OR8K3: variants seen among roughly 807,000 people sequenced by gnomAD.
The protein encoded by OR8K3 is olfactory receptor 8K3.
For missense variants in OR8K3, 448 were observed against 367.4 expected, an observed-to-expected ratio of 1.22 and a Z score of -1.79; for synonymous variants, 167 against 138.8, an observed-to-expected ratio of 1.20 and a Z score of -1.43.
At position 56,316,009 on chromosome 11, in the gene OR8K3, G is replaced by A. The variant is rs957017429; in HGVS notation, c.-72G>A. The stretch of plus-strand genomic sequence containing the variant: ...CTGGTTCTTTCCACAGAACTCCAAA[G>A]ATGGTGAAAGGAACCTCATTTATAT... On this transcript the variant is annotated 5_prime_UTR_variant, in exon 2 of 3. Coordinates refer to ENST00000641662, the MANE Select transcript of OR8K3 (RefSeq NM_001005202.2). 6.6e-6 allele frequency: 1 copy of A among 151,966 alleles called. No homozygotes were observed. Among genetic ancestry groups the A allele is most frequent in the African/African-American group, 2.4e-5 (1 of 41,410 alleles). 9.4% of individuals were successfully genotyped at this position (151,966 alleles called of 1,614,324 possible).
rs753989259 is a variant in OR8K3, at chr11:56,319,139, C to T, written c.833C>T (p.Thr278Ile). Residue 278 changes from threonine to isoleucine, a missense_variant, in exon 3 of 3, where the codon ACC becomes ATC. Transcript: ENST00000641662. ...GATAAAGTGGCTTCCATATTTTACACCCTGGTTATCCCCATGTTGAATCCC... is the reference window on the plus strand; with the variant it reads ...GATAAAGTGGCTTCCATATTTTACATCCTGGTTATCCCCATGTTGAATCCC... The part of the protein sequence containing the change: ...DTDKVASIFY[T>I]LVIPMLNPLI... 1.2e-6 allele frequency: 2 copies of T among 1,613,242 alleles called. No individual in the cohort carries two copies. Among genetic ancestry groups the T allele is most frequent in the Non-Finnish European group, 8.5e-7 (1 of 1,179,212 alleles).
intron 1 of OR8K3, 114 bp downstream of exon 1, chr11:56,315,281 A>C (rs547479069): frequency 4.7e-4 from 71 of 152,294 alleles, no homozygotes; most frequent in African/African-American, 1.7e-3. Context: ...AACCATAGTA[A>C]AGTGTGACAA....
chr11:56,318,402 C>A lies in OR8K3; in HGVS notation c.96C>A (p.Leu32=), dbSNP rs747976691. The change falls in exon 3 of 3, where the codon CTC becomes CTA. Residue 32 remains leucine, a synonymous_variant. Coordinates refer to ENST00000641662, the MANE Select transcript of OR8K3 (RefSeq NM_001005202.2). Reference sequence around the variant, plus strand: ...AGGCACCATTATTTGCATTGTTCCTCATGATCTATGTGATCTCAGTGATGG... The same window carrying A: ...AGGCACCATTATTTGCATTGTTCCTAATGATCTATGTGATCTCAGTGATGG... The part of the protein sequence containing the change: ...ELQAPLFALF[L]MIYVISVMGN... The A allele has an allele frequency of 6.2e-7, 1 of 1,613,668 alleles. No homozygotes were observed. Among genetic ancestry groups the A allele is most frequent in the South Asian group, 1.1e-5 (1 of 91,064 alleles).
At position 56,320,500 on chromosome 11, in the gene OR8K3, A is replaced by T. The variant is rs2134871788; in HGVS notation, c.*1255A>T. 6.6e-6 allele frequency: 1 copy of T among 152,356 alleles called. No individual in the cohort carries two copies. The highest frequency in any genetic ancestry group is 2.4e-5 in the African/African-American group (1 of 41,580). 9.4% of individuals were successfully genotyped at this position (152,356 alleles called of 1,614,324 possible). A position where few individuals can be genotyped will look rare whatever the true frequency, so the allele number is the denominator to read the frequency against. On this transcript the variant is annotated 3_prime_UTR_variant, in exon 3 of 3. Transcript: ENST00000641662. ...TTAATAATCCTAAGAATTTATTGAA[A>T]GTATCAGAGTCTACAATATTTTCTT...
In OR8K3 at chr11:56,318,696, G is replaced by C; in HGVS notation, c.390G>C (p.Leu130=). The change falls in exon 3 of 3, where the codon CTG becomes CTC. Residue 130 remains leucine, a synonymous_variant. Transcript: ENST00000641662. ...YDLYVAICNP[L]LYTVIMSRRV... is the part of the protein sequence containing the mutation. Reference sequence around the variant, plus strand: ...TCTATGTGGCCATCTGTAACCCTCTGCTATACACAGTAATCATGTCACGAA... The same window carrying C: ...TCTATGTGGCCATCTGTAACCCTCTCCTATACACAGTAATCATGTCACGAA... 1.2e-6 allele frequency: 2 copies of C among 1,613,924 alleles called. No homozygotes were observed. Among genetic ancestry groups the C allele is most frequent in the Non-Finnish European group, 1.7e-6 (2 of 1,179,910 alleles).
chr11:56,316,534 T>A (rs1854445649), intron 2 of OR8K3, among the ~76,000 whole-genome samples: 1 of 152,022 alleles, frequency 6.6e-6, no homozygotes, highest in African/African-American at 2.4e-5. Flanking sequence ...TAGATATATA[T>A]TTATTCGATT....
In OR8K3 at chr11:56,316,001, A is replaced by G. The variant is rs1854438865; in HGVS notation, c.-80A>G. ...AAAGCAATCTGGTTCTTTCCACAGA[A>G]CTCCAAAGATGGTGAAAGGAACCTC... On this transcript the variant is annotated splice_region_variant and 5_prime_UTR_variant, in exon 2 of 3. Coordinates refer to ENST00000641662, the MANE Select transcript of OR8K3 (RefSeq NM_001005202.2). The G allele has an allele frequency of 6.6e-6, 1 of 152,010 alleles. No homozygotes were observed. The highest frequency in any genetic ancestry group is 1.5e-5 in the Non-Finnish European group (1 of 67,912). The allele number at this position is 152,010 out of a possible 1,614,324, so 9.4% of individuals were successfully genotyped here.
At chr11:56,317,526 T>C (rs1590837782) in intron 2 of OR8K3, among the ~76,000 whole-genome samples, 2 of 152,098 alleles carry the variant, frequency 1.3e-5, no homozygotes, top group African/African-American at 4.8e-5. Context: ...CTAATATCTG[T>C]CAACTCTATT....
chr11:56,318,944 T>G lies in OR8K3; in HGVS notation c.638T>G (p.Ile213Arg), dbSNP rs1166143380. Residue 213 changes from isoleucine (I) to arginine (R), a missense_variant, in exon 3 of 3, where the codon ATA (isoleucine) becomes AGA (arginine). Coordinates refer to ENST00000641662, the MANE Select transcript of OR8K3 (RefSeq NM_001005202.2). ...AAIDLISSLL[I>R]VLLSYLLILV... is the part of the protein sequence containing the mutation. ...ATTGATTTGATTTCATCTCTTCTGATAGTTCTTTTATCTTACCTGCTCATC... is the reference window on the plus strand; with the variant it reads ...ATTGATTTGATTTCATCTCTTCTGAGAGTTCTTTTATCTTACCTGCTCATC... 3 of 1,614,038 alleles carry G rather than the reference T, an allele frequency of 1.9e-6. No individual in the cohort carries two copies. The highest frequency in any genetic ancestry group is 2.5e-6 in the Non-Finnish European group (3 of 1,180,022).
rs138905897 is a variant in OR8K3 at position 56,318,916 on chromosome 11, G to A, written c.610G>A (p.Ala204Thr). The A allele has an allele frequency of 5.6e-6, 9 of 1,613,956 alleles. No individual in the cohort carries two copies. Among genetic ancestry groups the A allele is most frequent in the Non-Finnish European group, 7.6e-6 (9 of 1,179,874 alleles). The stretch of plus-strand genomic sequence containing the variant: ...TGAATTGATAATTCTGATCTTTGCA[G>A]CTATTGATTTGATTTCATCTCTTCT... ...EIELIILIFA[A>T]IDLISSLLIV... Residue 204 changes from alanine to threonine, a missense_variant, in exon 3 of 3, where the codon GCT becomes ACT. Transcript: ENST00000641662.
chr11:56,315,783 A>G lies in OR8K3; in HGVS notation c.-81-217A>G, dbSNP rs929504147. On this transcript the variant is annotated intron_variant, in intron 1 of 2. Coordinates refer to ENST00000641662, the MANE Select transcript of OR8K3 (RefSeq NM_001005202.2). ...GCTTTTTGGGTAATCATAGGCACAG[A>G]AAAAAAAAACATTTTAAAATAGAAG... Among the ~76,000 whole-genome samples the G allele has an allele frequency of 8.1e-5, 6 of 74,306 alleles. No homozygotes were observed. The South Asian group carries it at 2.2e-3, about 28-fold the overall frequency. 48.7% of individuals were successfully genotyped at this position (74,306 alleles called of 152,430 possible). A position where few individuals can be genotyped will look rare whatever the true frequency, so the allele number is the denominator to read the frequency against.
chr11:56,317,807 T>C (rs113471411), intron 2 of OR8K3, among the ~76,000 whole-genome samples: 4,997 of 152,026 alleles, frequency 0.033, 260 homozygotes, highest in African/African-American at 0.11. Flanking sequence ...CTGTATCTCT[T>C]TCTCTCTCTC....
rs147934949 is a variant in OR8K3, at chr11:56,319,160, A to T, written c.854A>T (p.Asn285Ile). The change falls in exon 3 of 3, where the codon AAT (asparagine) becomes ATT (isoleucine). Residue 285 changes from asparagine (N) to isoleucine (I), a missense_variant. Physicochemically the swap from Asn to Ile is moderately radical, Grantham distance 149. Coordinates refer to ENST00000641662, the MANE Select transcript of OR8K3 (RefSeq NM_001005202.2). Reference protein sequence around the residue: ...IFYTLVIPMLNPLIYSLRNKD... With the variant: ...IFYTLVIPMLIPLIYSLRNKD... The stretch of plus-strand genomic sequence containing the variant: ...TACACCCTGGTTATCCCCATGTTGA[A>T]TCCCTTGATCTATAGTTTACGAAAC... 9.7e-5 allele frequency: 157 copies of T among 1,613,294 alleles called. No homozygotes were observed. Among genetic ancestry groups the T allele is most frequent in the Non-Finnish European group, 1.9e-5 (22 of 1,179,320 alleles).
rs1854506766 is a variant in OR8K3 at position 56,320,176 on chromosome 11, A to T, written c.*931A>T. 1 of 152,242 alleles carries T rather than the reference A, an allele frequency of 6.6e-6. No homozygotes were observed. The highest frequency in any genetic ancestry group is 1.5e-5 in the Non-Finnish European group (1 of 68,044). 9.4% of individuals were successfully genotyped at this position (152,242 alleles called of 1,614,324 possible). On this transcript the variant is annotated 3_prime_UTR_variant, in exon 3 of 3. Transcript: ENST00000641662. Reference sequence around the variant, plus strand: ...CTTTGTAGTCTCTCACTGAGTTGACAATCCATAATTTTTATCAATATGCAC... The same window carrying T: ...CTTTGTAGTCTCTCACTGAGTTGACTATCCATAATTTTTATCAATATGCAC...
At position 56,319,318 on chromosome 11, in the gene OR8K3, T is replaced by A. The variant is rs778032290; in HGVS notation, c.*73T>A. ...TTGCTCTGCATACTTCCAGAAGACATAACAAGCATAACTGATTCAACATAT... is the reference window on the plus strand; with the variant it reads ...TTGCTCTGCATACTTCCAGAAGACAAAACAAGCATAACTGATTCAACATAT... On this transcript the variant is annotated 3_prime_UTR_variant, in exon 3 of 3. Transcript: ENST00000641662. 3 of 721,180 alleles carry A rather than the reference T, an allele frequency of 4.2e-6. No individual in the cohort carries two copies. The highest frequency in any genetic ancestry group is 7.0e-6 in the Non-Finnish European group (3 of 429,006). The allele number at this position is 721,180 out of a possible 1,614,324, so 44.7% of individuals were successfully genotyped here. A position where few individuals can be genotyped will look rare whatever the true frequency, so the allele number is the denominator to read the frequency against.
At position 56,318,392 on chromosome 11, in the gene OR8K3, C is replaced by T. The variant is rs371163583; in HGVS notation, c.86C>T (p.Ala29Val). The change falls in exon 3 of 3, where the codon GCA becomes GTA. Residue 29 changes from alanine (A) to valine (V), a missense_variant. Coordinates refer to ENST00000641662, the MANE Select transcript of OR8K3 (RefSeq NM_001005202.2). The part of the protein sequence containing the change: ...DIAELQAPLF[A>V]LFLMIYVISV... ...GCTGAGCTGCAGGCACCATTATTTGCATTGTTCCTCATGATCTATGTGATC... is the reference window on the plus strand; with the variant it reads ...GCTGAGCTGCAGGCACCATTATTTGTATTGTTCCTCATGATCTATGTGATC... 3 of 1,613,450 alleles carry T rather than the reference C, an allele frequency of 1.9e-6. No homozygotes were observed. Among genetic ancestry groups the T allele is most frequent in the East Asian group, 2.2e-5 (1 of 44,860 alleles).
In OR8K3 at chr11:56,318,701, A is replaced by G. The variant is rs1854481030; in HGVS notation, c.395A>G (p.Tyr132Cys). Residue 132 changes from tyrosine to cysteine, a missense_variant, in exon 3 of 3, where the codon TAC (tyrosine) becomes TGC (cysteine). Physicochemically the swap from Tyr to Cys is radical, Grantham distance 194 (BLOSUM62 -2). Transcript: ENST00000641662. ...LYVAICNPLL[Y>C]TVIMSRRVCQ... Reference sequence around the variant, plus strand: ...GTGGCCATCTGTAACCCTCTGCTATACACAGTAATCATGTCACGAAGGGTA... The same window carrying G: ...GTGGCCATCTGTAACCCTCTGCTATGCACAGTAATCATGTCACGAAGGGTA... 6.2e-7 allele frequency: 1 copy of G among 1,613,922 alleles called. No individual in the cohort carries two copies. The highest frequency in any genetic ancestry group is 8.5e-7 in the Non-Finnish European group (1 of 1,179,914).
chr11:56,318,316 C>T lies in OR8K3; in HGVS notation c.10C>T (p.His4Tyr), dbSNP rs1369359271. The T allele has an allele frequency of 2.5e-6, 4 of 1,611,946 alleles. No individual in the cohort carries two copies. The highest frequency in any genetic ancestry group is 3.4e-6 in the Non-Finnish European group (4 of 1,178,232). ...TTTCTGATGAACCTGGATGGAACAA[C>T]ACAATCTAACAACGGTGAATGAATT... MEQ[H>Y]NLTTVNEFIL... Residue 4 changes from histidine (H) to tyrosine (Y), a missense_variant, in exon 3 of 3, where the codon CAC becomes TAC. By Grantham distance (83) the His-to-Tyr change is moderately conservative (BLOSUM62 2). Coordinates refer to ENST00000641662, the MANE Select transcript of OR8K3 (RefSeq NM_001005202.2).
chr11:56,319,141 C>A lies in OR8K3; in HGVS notation c.835C>A (p.Leu279Met). ...TDKVASIFYT[L>M]VIPMLNPLIY... is the part of the protein sequence containing the mutation. ...TAAAGTGGCTTCCATATTTTACACC[C>A]TGGTTATCCCCATGTTGAATCCCTT... is the stretch of plus-strand genomic sequence containing the variant. Residue 279 changes from leucine to methionine, a missense_variant, in exon 3 of 3, where the codon CTG becomes ATG. Coordinates refer to ENST00000641662, the MANE Select transcript of OR8K3 (RefSeq NM_001005202.2). The A allele has an allele frequency of 6.2e-7, 1 of 1,613,284 alleles. No individual in the cohort carries two copies. Among genetic ancestry groups the A allele is most frequent in the South Asian group, 1.1e-5 (1 of 91,062 alleles).
Sources: allele counts gnomAD v4.1 joint callset (sites outside exome capture counted in the v4.1 genomes callset), GRCh38; gene constraint gnomAD v4.1.1; transcripts MANE v1.5; gene names NCBI Gene and HGNC (gene_info 2026-07-23, HGNC 2026-07-21).